THOC1: variants seen among roughly 807,000 people sequenced by gnomAD.
The protein encoded by THOC1 is THO complex subunit 1.
In THOC1, 29 loss-of-function variants were observed where a neutral mutation model predicts 97.3. That is an observed-to-expected ratio of 0.30 (90% CI 0.22 to 0.41). The LOEUF (loss-of-function observed/expected upper bound fraction) is 0.41. THOC1 is among the 10% of genes least tolerant of loss of function. The pLI, the probability that THOC1 is intolerant of heterozygous loss-of-function variation, is 1.00. For missense variants in THOC1, 529 were observed against 761.9 expected (o/e 0.69, Z 3.60); for synonymous variants, 255 against 257.0 (o/e 0.99, Z 0.07).
intron 10 of THOC1, 86 bp downstream of exon 10, chr18:247,762 GA>G (rs1398132596): frequency 1.3e-6 from 1 of 769,532 alleles, no homozygotes; most frequent in Non-Finnish European, 2.2e-6. Flanking sequence ...ATTACATAGT[GA>G]AAAGTATGTT....
chr18:261,451 T>C (rs1435686334), intron 4 of THOC1, among the ~76,000 whole-genome samples: 1 of 152,234 alleles, frequency 6.6e-6, no homozygotes, highest in Non-Finnish European at 1.5e-5. Flanking sequence ...TGAGGGATAT[T>C]GCCTAGAAGC....
intron 16 of THOC1, 142 bp from the exon 17 acceptor site, chr18:223,647 T>C: frequency 1.6e-6 from 1 of 640,894 alleles, no homozygotes; most frequent in South Asian, 2.4e-5. Context: ...CAATAATTTT[T>C]GGTATTTAAA....
At chr18:237,052 G>C (rs1325519377) in intron 11 of THOC1, among the ~76,000 whole-genome samples, 1 of 151,678 alleles carries the variant, frequency 6.6e-6, no homozygotes, top group African/African-American at 2.4e-5. Context: ...AAAGTATTAA[G>C]TCTCTGAAAA....
intron 11 of THOC1, among the ~76,000 whole-genome samples, chr18:232,782 T>C (rs1028519722): frequency 1.4e-5 from 2 of 143,632 alleles, no homozygotes. Context: ...TTGGCCAGTT[T>C]GCTAAGTGTA....
chr18:224,133 G>C lies in THOC1; in HGVS notation c.1255C>G (p.Pro419Ala). The C allele has an allele frequency of 6.2e-7, 1 of 1,611,516 alleles. No individual in the cohort carries two copies. Among genetic ancestry groups the C allele is most frequent in the Non-Finnish European group, 8.5e-7 (1 of 1,178,802 alleles). Residue 419 changes from proline to alanine, a missense_variant, in exon 16 of 21, where the codon CCC becomes GCC. This residue lies in a region of THOC1 where 123 missense variants were observed against 159.0 expected (regional missense o/e 0.77). Coordinates refer to ENST00000261600, the MANE Select transcript of THOC1 (RefSeq NM_005131.3). ...PTRIIRKRTA[P>A]EDFLGKGPTK... ...GGTCCTTTCCCTAGGAAGTCCTCGGGTGCTGTTCTCTTCCGAATTATTCTC... is the reference window on the plus strand; with the variant it reads ...GGTCCTTTCCCTAGGAAGTCCTCGGCTGCTGTTCTCTTCCGAATTATTCTC...
intron 1 of THOC1, among the ~76,000 whole-genome samples, chr18:266,987 T>C (rs1453923009): frequency 6.9e-6 from 1 of 144,006 alleles, no homozygotes; most frequent in Non-Finnish European, 1.5e-5. Context: ...TGTGTGTGTG[T>C]ATATATATAT....
rs543467899 is a variant in THOC1, at chr18:225,017, A to G, written c.1138-23T>C. 3.8e-6 allele frequency: 6 copies of G among 1,566,228 alleles called. No homozygotes were observed. In the South Asian group the frequency reaches 7.0e-5, roughly 18 times the overall value. ...ATGCTGGGAAAAACAAAGCGATTACATTTTGGTTAGTGGAATCCTCTGAAG... is the reference window on the plus strand; with the variant it reads ...ATGCTGGGAAAAACAAAGCGATTACGTTTTGGTTAGTGGAATCCTCTGAAG... On this transcript the variant is annotated intron_variant, in intron 14 of 20. Coordinates refer to ENST00000261600, the MANE Select transcript of THOC1 (RefSeq NM_005131.3).
rs1323394510 is a variant in THOC1 at position 254,531 on chromosome 18, T to TG, written c.521-177dup. On this transcript the variant is annotated intron_variant, in intron 7 of 20. Coordinates refer to ENST00000261600, the MANE Select transcript of THOC1 (RefSeq NM_005131.3). The surrounding 1 kb of genome is among the most constrained non-coding windows in gnomAD (Gnocchi z 4.1). ...ATTTCTTAAAAGTACCTTTGGAGTA[T>TG]GGGCATACCTTGTTTTGTTGTTCTT... Among the ~76,000 whole-genome samples, 2 of 152,052 alleles carry TG rather than the reference T, an allele frequency of 1.3e-5. No individual in the cohort carries two copies. The highest frequency in any genetic ancestry group is 3.8e-4 in the East Asian group (2 of 5,198).
rs192849724 is a variant in THOC1, at chr18:260,500, G to C, written c.257-196C>G. On this transcript the variant is annotated intron_variant, in intron 4 of 20. Coordinates refer to ENST00000261600, the MANE Select transcript of THOC1 (RefSeq NM_005131.3). ...AAGTAATTTTTGATATGTGCACTCA[G>C]TAATGATGACAATAATTCTTGACAA... The C allele has an allele frequency of 2.5e-4, 101 of 405,542 alleles. 1 individual carries two copies. Among genetic ancestry groups the C allele is most frequent in the African/African-American group, 1.8e-3 (85 of 48,114 alleles). 25.1% of individuals were successfully genotyped at this position (405,542 alleles called of 1,614,324 possible).
Position 259,676 on chromosome 18 carries a change from A to G in THOC1, c.424+6T>C. 1 of 1,540,516 alleles carries G rather than the reference A, an allele frequency of 6.5e-7. No homozygotes were observed. The highest frequency in any genetic ancestry group is 8.8e-7 in the Non-Finnish European group (1 of 1,141,288). On this transcript the variant is annotated splice_donor_region_variant and intron_variant, in intron 6 of 20. Transcript: ENST00000261600. Reference sequence around the variant, plus strand: ...AAAGCAATCATTTTATCACTCAATTACTTACCATTGCACATACGTAGTAAG... The same window carrying G: ...AAAGCAATCATTTTATCACTCAATTGCTTACCATTGCACATACGTAGTAAG...
At chr18:267,574 A>G (rs1198933285) in intron 1 of THOC1, among the ~76,000 whole-genome samples, 2 of 152,194 alleles carry the variant, frequency 1.3e-5, no homozygotes, top group South Asian at 2.1e-4. Flanking sequence ...CTAGGGCGGG[A>G]GCCAGGTCTT....
intron 11 of THOC1, among the ~76,000 whole-genome samples, chr18:236,335 G>A (rs934073656): frequency 6.7e-6 from 1 of 149,346 alleles, no homozygotes. Flanking sequence ...TGCATAACTA[G>A]GAAAGAATAA....
rs1912390307 is a variant in THOC1 at position 254,920 on chromosome 18, AT to A, written c.521-566del. Among the ~76,000 whole-genome samples, 1 of 151,908 alleles carries A rather than the reference AT, an allele frequency of 6.6e-6. No individual in the cohort carries two copies. The highest frequency in any genetic ancestry group is 2.4e-5 in the African/African-American group (1 of 41,342). On this transcript the variant is annotated intron_variant, in intron 7 of 20. Coordinates refer to ENST00000261600, the MANE Select transcript of THOC1 (RefSeq NM_005131.3). The surrounding 1 kb of genome is among the most constrained non-coding windows in gnomAD (Gnocchi z 4.1). ...AAGTTCAGCTTCCCAAGCTCAGATG[AT>A]CCTCCCACCTCAGCCTCCTGAGTAG...
At chr18:216,355 A>T (rs1326174993) in intron 19 of THOC1, 131 bp downstream of exon 19, 1 of 987,024 alleles carries the variant, frequency 1.0e-6, no homozygotes, top group East Asian at 2.4e-5. Flanking sequence ...TTTTTCCCTC[A>T]TTCTAAAACA....
intron 11 of THOC1, among the ~76,000 whole-genome samples, chr18:229,247 A>G (rs778044959): frequency 2.6e-5 from 4 of 152,206 alleles, no homozygotes; most frequent in Non-Finnish European, 5.9e-5. Context: ...TAAGCATTAA[A>G]TAAGCTCCCT....
intron 20 of THOC1, 120 bp from the exon 21 acceptor site, chr18:215,041 A>G: frequency 1.2e-6 from 1 of 856,678 alleles, no homozygotes; most frequent in East Asian, 2.6e-5. Context: ...AAAGTAAACA[A>G]TTATTTTTTA....
intron 10 of THOC1, 148 bp downstream of exon 10, chr18:247,701 A>G: frequency 1.7e-6 from 1 of 588,814 alleles, no homozygotes; most frequent in South Asian, 2.3e-5. Context: ...TTTAAATATT[A>G]ATTTATAATT....
At chr18:239,741 AAAT>A (rs1470221959) in intron 11 of THOC1, among the ~76,000 whole-genome samples, 13 of 152,376 alleles carry the variant, frequency 8.5e-5, no homozygotes, top group African/African-American at 3.1e-4. Context: ...CCAAAGTTTT[AAAT>A]AATACTGTTA....
At chr18:224,267 A>G (rs1203929459) in intron 15 of THOC1, 88 bp from the exon 16 acceptor site, 2 of 1,058,912 alleles carry the variant, frequency 1.9e-6, no homozygotes, top group Admixed American at 2.1e-5. Flanking sequence ...AAATTTAGTT[A>G]TTGTTTTCCT....
Sources: allele counts gnomAD v4.1 joint callset (sites outside exome capture counted in the v4.1 genomes callset), GRCh38; gene constraint gnomAD v4.1.1; regional missense constraint gnomAD v4.1.1; non-coding constraint Gnocchi (gnomAD v3.1); transcripts MANE v1.5; gene names NCBI Gene and HGNC (gene_info 2026-07-23, HGNC 2026-07-21).